The following CACNA2D1 variants were observed in gnomAD, a reference collection of about 807,000 sequenced individuals.
CACNA2D1 encodes voltage-dependent calcium channel subunit alpha-2/delta-1.
A neutral mutation model predicts 171.5 loss-of-function variants in CACNA2D1; 53 were observed. The ratio of observed to expected loss-of-function variants is 0.31; its 90% CI spans 0.25 to 0.39. CACNA2D1 has a LOEUF of 0.39. Ranked by LOEUF, CACNA2D1 falls within the 10% of genes least tolerant of loss-of-function variation. The pLI is 1.00. For synonymous variants in CACNA2D1, 442 were observed against 443.1 expected (o/e 1.00, Z 0.03); for missense variants, 903 against 1,299.8 (o/e 0.69, Z 4.69).
intron 3 of CACNA2D1, among the ~76,000 whole-genome samples, chr7:82,207,884 A>G (rs1011726864): frequency 3.9e-5 from 6 of 152,242 alleles, no homozygotes; most frequent in African/African-American, 1.4e-4. Flanking sequence ...ATTGAAAAAC[A>G]TGCACAGTAT....
chr7:82,164,972 C>T (rs565931974), intron 4 of CACNA2D1, among the ~76,000 whole-genome samples: 43 of 152,012 alleles, frequency 2.8e-4, no homozygotes, highest in African/African-American at 8.7e-4. Context: ...AGCTGCAATT[C>T]GGTACCAGCT....
intron 3 of CACNA2D1, among the ~76,000 whole-genome samples, chr7:82,220,398 T>C (rs1322393931): frequency 1.3e-5 from 2 of 152,178 alleles, no homozygotes; most frequent in African/African-American, 4.8e-5. Context: ...AGCACATCTT[T>C]ATGTTATAGA....
intron 38 of CACNA2D1, among the ~76,000 whole-genome samples, chr7:81,957,754 C>T (rs1379257871): frequency 6.6e-6 from 1 of 152,130 alleles, no homozygotes; most frequent in Non-Finnish European, 1.5e-5. Context: ...AGCTACTGAG[C>T]AACAGTTGTA....
chr7:82,443,402 C>G lies in CACNA2D1; in HGVS notation c.58G>C (p.Gly20Arg), dbSNP rs201211703. The change falls in exon 1 of 39, where the codon GGC becomes CGC. Residue 20 changes from glycine (G) to arginine (R), a missense_variant. Gly to Arg is a moderately radical substitution (Grantham distance 125). Coordinates refer to ENST00000356860, the MANE Select transcript of CACNA2D1 (RefSeq NM_000722.4). ...GGGAACGGCTCCTCCGACGAGGGGC[C>G]GATGAGCAAAGATTGGAAAAGTGTC... Reference protein sequence around the residue: ...TLTLFQSLLIGPSSEEPFPSA... With the variant: ...TLTLFQSLLIRPSSEEPFPSA... The G allele has an allele frequency of 1.2e-6, 2 of 1,606,110 alleles. No homozygotes were observed. The highest frequency in any genetic ancestry group is 1.7e-6 in the Non-Finnish European group (2 of 1,176,074).
rs372607774 is a variant in CACNA2D1, at chr7:81,956,261, A to G, written c.3159+3014T>C. ...AGTGCTGGGATTATAGGCTTGAACC[A>G]CTGCACCCAGCCGTTGCTATAAGTT... On this transcript the variant is annotated intron_variant, in intron 38 of 38. Transcript: ENST00000356860. 1.8e-3 allele frequency among the ~76,000 whole-genome samples: 269 copies of G among 152,042 alleles called. 1 individual carries two copies. The highest frequency in any genetic ancestry group is 6.1e-3 in the African/African-American group (255 of 41,504).
chr7:82,192,632 T>C (rs1263929148), intron 3 of CACNA2D1, among the ~76,000 whole-genome samples: 1 of 151,568 alleles, frequency 6.6e-6, no homozygotes, highest in Admixed American at 6.6e-5. Context: ...GTGTAAGTAT[T>C]AAATGAACTC....
At position 82,285,865 on chromosome 7, in the gene CACNA2D1, T is replaced by A. The variant is rs2282942; in HGVS notation, c.294+49270A>T. Among the ~76,000 whole-genome samples the A allele has an allele frequency of 5.1e-3, 777 of 152,304 alleles. 19 individuals are homozygous for A. In the East Asian group the frequency reaches 0.08, roughly 16 times the overall value. On this transcript the variant is annotated intron_variant, in intron 3 of 38. Coordinates refer to ENST00000356860, the MANE Select transcript of CACNA2D1 (RefSeq NM_000722.4). ...TTAAAGTACGCAACACTGGCACAGCTGATAAAATACAGTTGGGGGTATGCA... is the reference window on the plus strand; with the variant it reads ...TTAAAGTACGCAACACTGGCACAGCAGATAAAATACAGTTGGGGGTATGCA...
chr7:82,078,612 G>C (rs1279043600), intron 7 of CACNA2D1, among the ~76,000 whole-genome samples: 1 of 152,162 alleles, frequency 6.6e-6, no homozygotes, highest in Non-Finnish European at 1.5e-5. Context: ...TCTATGTCAT[G>C]AGCTAGCTGT....
At chr7:82,212,715 G>A (rs1003631173) in intron 3 of CACNA2D1, among the ~76,000 whole-genome samples, 5 of 152,128 alleles carry the variant, frequency 3.3e-5, no homozygotes, top group Non-Finnish European at 5.9e-5. Flanking sequence ...TTCAGTTTAT[G>A]TTACAATACA....
chr7:82,003,456 GTCAT>G (rs1378032602), intron 18 of CACNA2D1, among the ~76,000 whole-genome samples: 1 of 151,636 alleles, frequency 6.6e-6, no homozygotes, highest in Non-Finnish European at 1.5e-5. Context: ...ATAGGTTAAT[GTCAT>G]TCAAATAGTA....
At chr7:82,285,412 T>C (rs985619308) in intron 3 of CACNA2D1, among the ~76,000 whole-genome samples, 1 of 152,196 alleles carries the variant, frequency 6.6e-6, no homozygotes, top group African/African-American at 2.4e-5. Flanking sequence ...TGTCATGATA[T>C]GCAGTACGTA....
At chr7:82,431,031 T>C (rs1829630635) in intron 1 of CACNA2D1, among the ~76,000 whole-genome samples, 1 of 152,300 alleles carries the variant, frequency 6.6e-6, no homozygotes, top group South Asian at 2.1e-4. Flanking sequence ...GCTTTGTGGT[T>C]CTGCTTTCTT....
chr7:82,405,859 T>C (rs565101784), intron 1 of CACNA2D1, among the ~76,000 whole-genome samples: 2 of 152,224 alleles, frequency 1.3e-5, no homozygotes, highest in Admixed American at 1.3e-4. Flanking sequence ...ATCATAGCTT[T>C]GGTGTTCATT....
intron 1 of CACNA2D1, among the ~76,000 whole-genome samples, chr7:82,366,274 C>A (rs6467893): frequency 6.6e-6 from 1 of 152,054 alleles, no homozygotes; most frequent in South Asian, 2.1e-4. Flanking sequence ...TTGTTATATG[C>A]GTATATTGTG....
chr7:82,194,137 T>G (rs529134295), intron 3 of CACNA2D1, among the ~76,000 whole-genome samples: 2 of 152,042 alleles, frequency 1.3e-5, no homozygotes, highest in Admixed American at 1.3e-4. Context: ...AAGCTGTGTG[T>G]ATTTCTACAT....
intron 3 of CACNA2D1, among the ~76,000 whole-genome samples, chr7:82,278,557 T>TAAAAAAA (rs59630150): frequency 3.7e-5 from 4 of 107,778 alleles, no homozygotes; most frequent in Non-Finnish European, 7.4e-5. Flanking sequence ...GACTCTGTCT[T>TAAAAAAA]AAAAAAAAAA....
intron 3 of CACNA2D1, among the ~76,000 whole-genome samples, chr7:82,201,070 T>C (rs1177980387): frequency 6.6e-6 from 1 of 152,228 alleles, no homozygotes; most frequent in Non-Finnish European, 1.5e-5. Flanking sequence ...TCATTTCTAG[T>C]ACCTCTTGTT....
chr7:82,288,440 C>G (rs1049046332), intron 3 of CACNA2D1, among the ~76,000 whole-genome samples: 5 of 151,770 alleles, frequency 3.3e-5, no homozygotes, highest in African/African-American at 9.7e-5. Context: ...CACACACACA[C>G]ACACACACAC....
chr7:82,388,385 C>T (rs748067295), intron 1 of CACNA2D1, among the ~76,000 whole-genome samples: 18 of 152,296 alleles, frequency 1.2e-4, no homozygotes, highest in South Asian at 8.3e-4. Flanking sequence ...GTTTTGACCA[C>T]GAATGCTCTT....
Sources: allele counts gnomAD v4.1 joint callset (sites outside exome capture counted in the v4.1 genomes callset), GRCh38; gene constraint gnomAD v4.1.1; transcripts MANE v1.5; gene names NCBI Gene and HGNC (gene_info 2026-07-23, HGNC 2026-07-21).